Variants in ATP6V0A4 observed in about 807,000 individuals in gnomAD.
ATP6V0A4 encodes the protein ATPase H+ transporting V0 subunit a4.
Under a neutral mutation model 107.3 loss-of-function variants are expected in ATP6V0A4, and 86 were observed. That is an observed-to-expected ratio of 0.80 (90% CI 0.67 to 0.96). The LOEUF (loss-of-function observed/expected upper bound fraction) is 0.96. ATP6V0A4 is among the 40% of genes least tolerant of loss of function. The pLI is 0.00. For missense variants in ATP6V0A4, 908 were observed against 1,045.6 expected, an observed-to-expected ratio of 0.87 and a Z score of 1.81; for synonymous variants, 353 against 381.4, an observed-to-expected ratio of 0.93 and a Z score of 0.87.
At chr7:138,738,945 A>C (rs1447941586) in intron 15 of ATP6V0A4, among the ~76,000 whole-genome samples, 1 of 152,190 alleles carries the variant, frequency 6.6e-6, no homozygotes, top group Non-Finnish European at 1.5e-5. Flanking sequence ...AATAGAAATG[A>C]ACAGCTTTAC....
chr7:138,758,649 T>C (rs1305910894), intron 8 of ATP6V0A4, among the ~76,000 whole-genome samples: 1 of 151,400 alleles, frequency 6.6e-6, no homozygotes, highest in Non-Finnish European at 1.5e-5. Context: ...GTTTGAAGTG[T>C]GGGATCTATT....
At chr7:138,707,068 A>ATATGTGTGTGTGTGTGTGTGTGTG (rs1554385692) in intron 21 of ATP6V0A4, among the ~76,000 whole-genome samples, 2 of 90,094 alleles carry the variant, frequency 2.2e-5, no homozygotes, top group African/African-American at 1.0e-4. Context: ...GCTAATTTAT[A>ATATGTGTGTGTGTGTGTGTGTGTG]TGTGTGTGTG....
intron 21 of ATP6V0A4, 82 bp from the exon 22 acceptor site, chr7:138,706,799 GA>G: frequency 6.3e-7 from 1 of 1,584,230 alleles, no homozygotes. Flanking sequence ...AGGGAAGGAG[GA>G]AGCAGAGCGT....
intron 17 of ATP6V0A4, among the ~76,000 whole-genome samples, chr7:138,732,125 C>T (rs893198512): frequency 6.6e-6 from 1 of 152,018 alleles, no homozygotes; most frequent in Non-Finnish European, 1.5e-5. Flanking sequence ...ACTGTCTGCC[C>T]ATGTGAATAC....
chr7:138,719,076 C>T (rs1212837936), intron 19 of ATP6V0A4, among the ~76,000 whole-genome samples: 1 of 152,104 alleles, frequency 6.6e-6, no homozygotes, highest in Non-Finnish European at 1.5e-5. Flanking sequence ...GTCCCAGCTA[C>T]TCGGGAGGCT....
At chr7:138,780,254 AC>A (rs1239359919) in intron 2 of ATP6V0A4, 1 of 152,216 alleles carries the variant, frequency 6.6e-6, no homozygotes, top group Non-Finnish European at 1.5e-5. Flanking sequence ...TGGGCATGAA[AC>A]TGTTCCATCT....
rs72044473 is a variant in ATP6V0A4 at position 138,756,560 on chromosome 7, TA to T, written c.640-21del. 3.2e-4 allele frequency: 478 copies of T among 1,479,192 alleles called. No homozygotes were observed. The highest frequency in any genetic ancestry group is 7.4e-4 in the Middle Eastern group (4 of 5,418). The allele number at this position is 1,479,192 out of a possible 1,614,324, so 91.6% of individuals were successfully genotyped here. A position where few individuals can be genotyped will look rare whatever the true frequency, so the allele number is the denominator to read the frequency against. ...TTCTTTCTGGAAAATCAGAATAAGT[TA>T]AAAAAAAAGGGGGGGGTTTCTTTCT... is the stretch of plus-strand genomic sequence containing the variant. On this transcript the variant is annotated intron_variant, in intron 8 of 21. Transcript: ENST00000310018.
chr7:138,740,826 G>A (rs1344559990), intron 14 of ATP6V0A4, among the ~76,000 whole-genome samples: 2 of 151,698 alleles, frequency 1.3e-5, no homozygotes, highest in Admixed American at 6.6e-5. Context: ...CTGTGGAAGG[G>A]CCCAAGGAAT....
At chr7:138,755,841 C>T in intron 9 of ATP6V0A4, 59 bp from the exon 10 acceptor site, 1 of 1,594,606 alleles carries the variant, frequency 6.3e-7, no homozygotes, top group South Asian at 1.1e-5. Context: ...CATTCTGCAT[C>T]CCCTTTTCTG....
chr7:138,745,962 A>G (rs372507606), intron 13 of ATP6V0A4, among the ~76,000 whole-genome samples: 1 of 65,682 alleles, frequency 1.5e-5, no homozygotes, highest in African/African-American at 6.7e-5. Flanking sequence ...AAAAAAAAAA[A>G]ATATATATAT....
chr7:138,776,783 C>A (rs1456231346), intron 2 of ATP6V0A4, among the ~76,000 whole-genome samples: 1 of 152,196 alleles, frequency 6.6e-6, no homozygotes, highest in Non-Finnish European at 1.5e-5. Context: ...CCATGCGTGA[C>A]CTTGGGAAAG....
chr7:138,707,876 C>T (rs1171067495), intron 21 of ATP6V0A4, among the ~76,000 whole-genome samples: 1 of 151,724 alleles, frequency 6.6e-6, no homozygotes, highest in African/African-American at 2.4e-5. Context: ...GACACCCTCA[C>T]TGTGCAGCAC....
chr7:138,722,691 G>C (rs1220297344), intron 18 of ATP6V0A4, among the ~76,000 whole-genome samples: 1 of 127,976 alleles, frequency 7.8e-6, no homozygotes, highest in Non-Finnish European at 1.5e-5. Context: ...GCTGCGGTGA[G>C]CCAAGATCAC....
chr7:138,765,469 A>C (rs1004346663), intron 5 of ATP6V0A4, among the ~76,000 whole-genome samples: 4 of 152,212 alleles, frequency 2.6e-5, no homozygotes, highest in Non-Finnish European at 4.4e-5. Context: ...AAACAAGGAA[A>C]AGCCAGGGCA....
intron 2 of ATP6V0A4, among the ~76,000 whole-genome samples, chr7:138,777,771 G>A (rs1807736863): frequency 6.6e-6 from 1 of 151,868 alleles, no homozygotes; most frequent in Non-Finnish European, 1.5e-5. Context: ...GCAAACATAA[G>A]CAGACTGTGA....
chr7:138,769,830 C>A (rs756308773), intron 3 of ATP6V0A4, among the ~76,000 whole-genome samples: 1 of 152,130 alleles, frequency 6.6e-6, no homozygotes, highest in East Asian at 1.9e-4. Flanking sequence ...GTAATCCCAA[C>A]ACTTTGGGAG....
chr7:138,709,498 G>A, intron 21 of ATP6V0A4, 126 bp downstream of exon 21: 1 of 835,438 alleles, frequency 1.2e-6, no homozygotes, highest in East Asian at 2.5e-5. Context: ...CTAAACTAAG[G>A]CTCCAAAGAG....
chr7:138,756,769 C>A (rs934686702), intron 8 of ATP6V0A4, among the ~76,000 whole-genome samples: 1 of 152,118 alleles, frequency 6.6e-6, no homozygotes, highest in Admixed American at 6.5e-5. Flanking sequence ...TCCCTGTTCC[C>A]GATGCTGGTT....
At chr7:138,754,420 C>G (rs1188489806) in intron 10 of ATP6V0A4, among the ~76,000 whole-genome samples, 4 of 147,974 alleles carry the variant, frequency 2.7e-5, no homozygotes, top group Non-Finnish European at 6.0e-5. Context: ...TGCACTCCAG[C>G]CTGGGCAACA....
Sources: allele counts gnomAD v4.1 joint callset (sites outside exome capture counted in the v4.1 genomes callset), GRCh38; gene constraint gnomAD v4.1.1; transcripts MANE v1.5; gene names NCBI Gene and HGNC (gene_info 2026-07-23, HGNC 2026-07-21).